SP110: variants seen among roughly 807,000 people sequenced by gnomAD.
SP110 encodes SP110 nuclear body protein.
A neutral mutation model predicts 92.7 loss-of-function variants in SP110; 62 were observed. The observed-to-expected ratio is 0.67, with a 90% CI of 0.55 to 0.83. SP110 has a LOEUF of 0.83. Ranked by LOEUF, SP110 falls within the 40% of genes least tolerant of loss-of-function variation. The pLI, the probability that SP110 is intolerant of heterozygous loss-of-function variation, is 0.00. For missense variants in SP110, 793 were observed against 863.9 expected (o/e 0.92, Z 1.03); for synonymous variants, 273 against 305.3 (o/e 0.89, Z 1.10).
At position 230,178,282 on chromosome 2, in the gene SP110, G is replaced by C. The variant is rs781453454; in HGVS notation, c.1349-27C>G. On this transcript the variant is annotated intron_variant, in intron 12 of 18. Coordinates refer to ENST00000258381, the MANE Select transcript of SP110 (RefSeq NM_080424.4). ...TTAAAGTAGAAGAGAACAGTTTTGTGTTATTCAGTCTTCACTCCATCTTCC... is the reference window on the plus strand; with the variant it reads ...TTAAAGTAGAAGAGAACAGTTTTGTCTTATTCAGTCTTCACTCCATCTTCC... The C allele has an allele frequency of 3.0e-6, 4 of 1,341,258 alleles. No individual in the cohort carries two copies. The East Asian group carries it at 7.0e-5, about 23-fold the overall frequency. 83.1% of individuals were successfully genotyped at this position (1,341,258 alleles called of 1,614,324 possible).
intron 10 of SP110, among the ~76,000 whole-genome samples, chr2:230,193,545 G>A (rs187761585): frequency 1.3e-5 from 2 of 152,256 alleles, no homozygotes; most frequent in South Asian, 2.1e-4. Context: ...TATAAAGCTG[G>A]TCTGGTAGTG....
rs34761414 is a variant in SP110, at chr2:230,165,895, C to CTTTT, written c.*3225_*3228dup. Among the ~76,000 whole-genome samples, 2 of 138,880 alleles carry CTTTT rather than the reference C, an allele frequency of 1.4e-5. No homozygotes were observed. Among genetic ancestry groups the CTTTT allele is most frequent in the African/African-American group, 5.4e-5 (2 of 37,284 alleles). The allele number at this position is 138,880 out of a possible 152,430, so 91.1% of individuals were successfully genotyped here. ...GACAGAAATAAGACCACCTATATAA[C>CTTTT]TTTTTTTTTTTTTTTTGAAACAGAG... On this transcript the variant is annotated 3_prime_UTR_variant, in exon 19 of 19. Transcript: ENST00000258381.
At chr2:230,221,917 A>G (rs1009031198), upstream of SP110, 3 of 610,180 alleles carry the variant, frequency 4.9e-6, no homozygotes, top group Admixed American at 2.6e-5. Context: ...AGGATGAAAG[A>G]TGTTTATTCT....
At position 230,176,515 on chromosome 2, in the gene SP110, C is replaced by T. The variant is rs574687244; in HGVS notation, c.1590+1023G>A. 97 of 1,556,136 alleles carry T rather than the reference C, an allele frequency of 6.2e-5. 1 individual carries two copies. In the African/African-American group the frequency reaches 1.2e-3, roughly 20 times the overall value. ...TTTTTATTTTAGAGTCATTTGCTTC[C>T]CCATCCCAAATTAACTATGCAAATT... is the stretch of plus-strand genomic sequence containing the variant. On this transcript the variant is annotated intron_variant, in intron 14 of 18. Coordinates refer to ENST00000258381, the MANE Select transcript of SP110 (RefSeq NM_080424.4).
At position 230,173,432 on chromosome 2, in the gene SP110, T is replaced by C. The variant is rs193271802; in HGVS notation, c.1591-473A>G. ...GTAACATAACATGGCCCTAAAATGT[T>C]CCACAGTGGGCATGGATGCTATGAC... On this transcript the variant is annotated intron_variant, in intron 14 of 18. Coordinates refer to ENST00000258381, the MANE Select transcript of SP110 (RefSeq NM_080424.4). 2.7e-3 allele frequency: 560 copies of C among 209,016 alleles called. 1 individual carries two copies. Among genetic ancestry groups the C allele is most frequent in the Non-Finnish European group, 4.2e-3 (419 of 99,906 alleles). 12.9% of individuals were successfully genotyped at this position (209,016 alleles called of 1,614,324 possible). A position where few individuals can be genotyped will look rare whatever the true frequency, so the allele number is the denominator to read the frequency against.
At position 230,211,354 on chromosome 2, in the gene SP110, G is replaced by A; in HGVS notation, c.751+116C>T. The A allele has an allele frequency of 1.3e-6, 1 of 764,252 alleles. No homozygotes were observed. Among genetic ancestry groups the A allele is most frequent in the Non-Finnish European group, 2.4e-6 (1 of 423,746 alleles). The allele number at this position is 764,252 out of a possible 1,614,324, so 47.3% of individuals were successfully genotyped here. On this transcript the variant is annotated intron_variant, in intron 6 of 18. Coordinates refer to ENST00000258381, the MANE Select transcript of SP110 (RefSeq NM_080424.4). This position sits in a 1 kb window ranked among gnomAD's most constrained non-coding sequence, Gnocchi z 4.2. The stretch of plus-strand genomic sequence containing the variant: ...AAGTGCTGGGTGAACTGGAAGCTGG[G>A]CCAAGATTGCTGAGAGGCAGGAGGA...
At chr2:230,177,410 GA>G in intron 14 of SP110, 127 bp downstream of exon 14, 1 of 1,027,664 alleles carries the variant, frequency 9.7e-7, no homozygotes, top group Non-Finnish European at 1.5e-6. Flanking sequence ...TTTTTTCTAT[GA>G]ACATTTAACT....
rs200759635 is a variant in SP110 at position 230,211,603 on chromosome 2, C to T, written c.668-50G>A. ...AGATCTCAGGAACAGCAAGCAGGGA[C>T]CAGAATGAGGAGAAAAGAGAATGCT... On this transcript the variant is annotated intron_variant, in intron 5 of 18. Transcript: ENST00000258381. This position sits in a 1 kb window ranked among gnomAD's most constrained non-coding sequence, Gnocchi z 4.2. 9.9e-5 allele frequency: 108 copies of T among 1,092,462 alleles called. No individual in the cohort carries two copies. In the African/African-American group the frequency reaches 1.6e-3, roughly 16 times the overall value. The allele number at this position is 1,092,462 out of a possible 1,614,324, so 67.7% of individuals were successfully genotyped here.
rs371675905 is a variant in SP110, at chr2:230,216,811, G to A, written c.117C>T (p.Asp39=). ...ACATTCTCTTAGTGATGATGGAGTT[G>A]TCTAGGAGGCCTTCAAAGAAGGGAA... is the stretch of plus-strand genomic sequence containing the variant. ...KPFPFFEGLL[D]NSIITKRMYM... is the part of the protein sequence containing the mutation. Residue 39 remains aspartate, a synonymous_variant, in exon 2 of 19, where the codon GAC becomes GAT. Coordinates refer to ENST00000258381, the MANE Select transcript of SP110 (RefSeq NM_080424.4). 6.2e-7 allele frequency: 1 copy of A among 1,613,988 alleles called. No individual in the cohort carries two copies. The highest frequency in any genetic ancestry group is 1.3e-5 in the African/African-American group (1 of 74,920).
rs2044411314 is a variant in SP110 at position 230,211,047 on chromosome 2, T to C, written c.751+423A>G. ...CAGAGCCGTTTTGAGCACTACTTTA[T>C]TGAAGTGGCCTCAGAAGAGTGGCTC... On this transcript the variant is annotated intron_variant, in intron 6 of 18. Coordinates refer to ENST00000258381, the MANE Select transcript of SP110 (RefSeq NM_080424.4). This position sits in a 1 kb window ranked among gnomAD's most constrained non-coding sequence, Gnocchi z 4.2. Among the ~76,000 whole-genome samples the C allele has an allele frequency of 6.6e-6, 1 of 152,230 alleles. No homozygotes were observed.
At chr2:230,202,860 C>T in intron 8 of SP110, 132 bp from the exon 9 acceptor site, 2 of 839,318 alleles carry the variant, frequency 2.4e-6, no homozygotes, top group Non-Finnish European at 2.1e-6. Context: ...CTGTACCTCA[C>T]TTTTCTCCTC....
At chr2:230,173,015 A>G in intron 14 of SP110, 56 bp from the exon 15 acceptor site, 1 of 1,164,840 alleles carries the variant, frequency 8.6e-7, no homozygotes, top group South Asian at 1.2e-5. Context: ...ACGAATGCTG[A>G]CCCTGTGGGG....
intron 14 of SP110, among the ~76,000 whole-genome samples, chr2:230,175,435 A>G (rs190873354): frequency 6.6e-6 from 1 of 152,360 alleles, no homozygotes; most frequent in Admixed American, 6.5e-5. Context: ...CAATACTGAT[A>G]GAACTTGTGT....
Position 230,176,747 on chromosome 2 carries a change from G to C in SP110, c.1590+791C>G, listed in dbSNP as rs369150478. ...ACTCTGAAAGACAGAAGGAGTCAATGAATGAGGTTATTCTGGAGGTTTTTC... is the reference window on the plus strand; with the variant it reads ...ACTCTGAAAGACAGAAGGAGTCAATCAATGAGGTTATTCTGGAGGTTTTTC... On this transcript the variant is annotated intron_variant, in intron 14 of 18. Coordinates refer to ENST00000258381, the MANE Select transcript of SP110 (RefSeq NM_080424.4). 37 of 1,613,468 alleles carry C rather than the reference G, an allele frequency of 2.3e-5. No individual in the cohort carries two copies. In the African/African-American group the frequency reaches 4.5e-4, roughly 20 times the overall value.
chr2:230,193,107 CCTT>C (rs1245554229), intron 10 of SP110, among the ~76,000 whole-genome samples: 1 of 152,034 alleles, frequency 6.6e-6, no homozygotes, highest in Non-Finnish European at 1.5e-5. Flanking sequence ...TATATAATGA[CCTT>C]CTTTGCCTTT....
intron 14 of SP110, chr2:230,173,687 G>A (rs13026323): frequency 0.11 from 16,634 of 151,672 alleles, 977 homozygotes; most frequent in Middle Eastern, 0.14. Flanking sequence ...TCTGTTCTTA[G>A]GCTTGGAAAG....
At chr2:230,218,024 T>G (rs2045417026) in intron 1 of SP110, among the ~76,000 whole-genome samples, 1 of 152,242 alleles carries the variant, frequency 6.6e-6, no homozygotes, top group Non-Finnish European at 1.5e-5. Context: ...CCTTTTCCCA[T>G]GCCCATGCAG....
chr2:230,206,608 T>TATATATATATATATAC (rs1559169620), intron 8 of SP110, among the ~76,000 whole-genome samples: 2 of 55,688 alleles, frequency 3.6e-5, no homozygotes, highest in African/African-American at 9.5e-5. Context: ...TATATATATA[T>TATATATATATATATAC]ATATATATAT....
intron 12 of SP110, among the ~76,000 whole-genome samples, chr2:230,179,692 C>CAAA (rs2042039859): frequency 6.6e-6 from 1 of 151,976 alleles, no homozygotes; most frequent in African/African-American, 2.4e-5. Context: ...TGGGGACCTT[C>CAAA]CCTTCTACAG....
Sources: allele counts gnomAD v4.1 joint callset (sites outside exome capture counted in the v4.1 genomes callset), GRCh38; gene constraint gnomAD v4.1.1; non-coding constraint Gnocchi (gnomAD v3.1); transcripts MANE v1.5; gene names NCBI Gene and HGNC (gene_info 2026-07-23, HGNC 2026-07-21).